The following COA7 variants were observed in gnomAD, a reference collection of about 807,000 sequenced individuals.
COA7 encodes cytochrome c oxidase assembly factor 7, also known as Sel1 repeat containing 1.
In COA7, 12 loss-of-function variants were observed where a neutral mutation model predicts 21.0. That is an observed-to-expected ratio of 0.57 (90% CI 0.37 to 0.92). The LOEUF (loss-of-function observed/expected upper bound fraction) is 0.92, where lower values mean the gene tolerates loss of function less well. COA7 is among the 40% of genes least tolerant of loss of function. The pLI is 0.01. For synonymous variants in COA7, 95 were observed against 107.4 expected (o/e 0.88, Z 0.72); for missense variants, 240 against 286.1 (o/e 0.84, Z 1.16).
chr1:52,688,722 T>C (rs948494605), intron 2 of COA7, among the ~76,000 whole-genome samples: 3 of 152,196 alleles, frequency 2.0e-5, no homozygotes, highest in Non-Finnish European at 4.4e-5. Context: ...TCAGGCAGCA[T>C]GAAAGGTAGC....
intron 1 of COA7, among the ~76,000 whole-genome samples, chr1:52,696,001 A>G (rs536616403): frequency 3.8e-4 from 58 of 152,230 alleles, no homozygotes; most frequent in Middle Eastern, 3.4e-3. Context: ...CCTGACTTCA[A>G]CCTTCCAAAA....
chr1:52,690,795 T>A (rs960044916), intron 2 of COA7, among the ~76,000 whole-genome samples: 1 of 151,306 alleles, frequency 6.6e-6, no homozygotes, highest in African/African-American at 2.4e-5. Flanking sequence ...CCACTGCACC[T>A]GGCCTAAAAT....
In COA7 at chr1:52,687,636, G is replaced by T; in HGVS notation, c.*84C>A. ...CCAAGTTTTTTTGCTCCAGCAGGTT[G>T]ACCTTCAAGGGCTGCATCAGTCTTC... On this transcript the variant is annotated 3_prime_UTR_variant, in exon 3 of 3. Transcript: ENST00000371538. 7.3e-7 allele frequency: 1 copy of T among 1,376,464 alleles called. No homozygotes were observed. Among genetic ancestry groups the T allele is most frequent in the South Asian group, 1.4e-5 (1 of 71,532 alleles). The allele number at this position is 1,376,464 out of a possible 1,614,324, so 85.3% of individuals were successfully genotyped here. A position where few individuals can be genotyped will look rare whatever the true frequency, so the allele number is the denominator to read the frequency against.
intron 1 of COA7, among the ~76,000 whole-genome samples, chr1:52,697,038 G>A (rs1402032448): frequency 2.0e-5 from 3 of 152,016 alleles, no homozygotes; most frequent in South Asian, 4.1e-4. Flanking sequence ...TAACCCAGGA[G>A]GCAAAGGTTG....
Position 52,688,005 on chromosome 1 carries a change from G to C in COA7, c.411C>G (p.Tyr137Ter). ...AGCCACCATCACAGGCCCTTGTGTAGTAGTCCCTGGCCTTTCCCAAGTCAG... is the reference window on the plus strand; with the variant it reads ...AGCCACCATCACAGGCCCTTGTGTACTAGTCCCTGGCCTTTCCCAAGTCAG... ...GQPDLGKARD[Y>*]YTRACDGGYT... is the part of the protein sequence containing the mutation. The change falls in exon 3 of 3, where the codon TAC (tyrosine) becomes TAG (stop). Residue 137 changes from tyrosine to a stop codon, truncating the protein, a stop_gained. Transcript: ENST00000371538. LOFTEE classifies it high-confidence loss of function. The C allele has an allele frequency of 8.1e-6, 13 of 1,614,182 alleles. No individual in the cohort carries two copies. Among genetic ancestry groups the C allele is most frequent in the Non-Finnish European group, 1.1e-5 (13 of 1,180,038 alleles).
intron 1 of COA7, among the ~76,000 whole-genome samples, chr1:52,697,151 C>A (rs1006148665): frequency 6.6e-6 from 1 of 151,832 alleles, no homozygotes; most frequent in Admixed American, 6.6e-5. Flanking sequence ...TGCAGTGGTT[C>A]ATGCCTGTAA....
rs1221109922 is a variant in COA7 at position 52,692,809 on chromosome 1, G to A, written c.165C>T (p.Ala55=). The change falls in exon 2 of 3, where the codon GCC becomes GCT. Residue 55 remains alanine (A), a synonymous_variant. Transcript: ENST00000371538. ...CTTCACAGTTAAACTTCAACACCTT[G>A]GCAGCCTCATCAAAATTCTTCCGGA... is the stretch of plus-strand genomic sequence containing the variant. The part of the protein sequence containing the change: ...EGIRKNFDEA[A]KVLKFNCEEN... 1 of 1,614,092 alleles carries A rather than the reference G, an allele frequency of 6.2e-7. No homozygotes were observed. Among genetic ancestry groups the A allele is most frequent in the Admixed American group, 1.7e-5 (1 of 60,004 alleles).
chr1:52,694,588 A>G (rs557229867), intron 1 of COA7, among the ~76,000 whole-genome samples: 1 of 152,290 alleles, frequency 6.6e-6, no homozygotes, highest in African/African-American at 2.4e-5. Context: ...GTAAAACAGG[A>G]TAACTGTTTG....
intron 1 of COA7, among the ~76,000 whole-genome samples, chr1:52,696,558 T>C (rs1171034825): frequency 1.3e-5 from 2 of 152,166 alleles, no homozygotes; most frequent in African/African-American, 4.8e-5. Flanking sequence ...TGTGTTATGG[T>C]CTATGTTACG....
intron 2 of COA7, among the ~76,000 whole-genome samples, chr1:52,692,400 C>T (rs148556326): frequency 6.6e-6 from 1 of 152,336 alleles, no homozygotes; most frequent in African/African-American, 2.4e-5. Flanking sequence ...ATGCTGATGC[C>T]TTTTCCTATG....
chr1:52,694,029 G>A (rs1157284758), intron 1 of COA7, among the ~76,000 whole-genome samples: 3 of 152,172 alleles, frequency 2.0e-5, no homozygotes, highest in Non-Finnish European at 4.4e-5. Flanking sequence ...GTGAAATACT[G>A]CATGTCCTCA....
At chr1:52,698,104 G>C in intron 1 of COA7, 117 bp downstream of exon 1, 1 of 764,316 alleles carries the variant, frequency 1.3e-6, no homozygotes. Context: ...GCGATCCACA[G>C]ACCCCGTCCC....
At chr1:52,691,474 T>G (rs913629817) in intron 2 of COA7, among the ~76,000 whole-genome samples, 1 of 149,704 alleles carries the variant, frequency 6.7e-6, no homozygotes, top group African/African-American at 2.4e-5. Flanking sequence ...GTGTGTGTTT[T>G]TTTTTTTTTT....
chr1:52,689,535 C>T (rs971553278), intron 2 of COA7, among the ~76,000 whole-genome samples: 6 of 151,994 alleles, frequency 3.9e-5, no homozygotes, highest in Non-Finnish European at 5.9e-5. Context: ...GACAACTCTT[C>T]TTCCAATGTG....
In COA7 at chr1:52,689,541, A is replaced by G. The variant is rs371509115; in HGVS notation, c.248-1373T>C. 2.0e-3 allele frequency among the ~76,000 whole-genome samples: 308 copies of G among 152,046 alleles called. 3 individuals carry two copies. Among genetic ancestry groups the G allele is most frequent in the African/African-American group, 6.8e-3 (284 of 41,474 alleles). ...ATGGCCCAAGACAACTCTTCTTCCA[A>G]TGTGGTCCAGGAAAGCAAAAAGATT... On this transcript the variant is annotated intron_variant, in intron 2 of 2. Coordinates refer to ENST00000371538, the MANE Select transcript of COA7 (RefSeq NM_023077.3).
Position 52,698,309 on chromosome 1 carries a change from G to A in COA7, c.18C>T (p.Asp6=), listed in dbSNP as rs1274175242. MAGMV[D]FQDEEQVKSF... ...ACTTGACCTGCTCCTCATCCTGGAA[G>A]TCCACCATGCCGGCCATGGTTCGCG... The change falls in exon 1 of 3, where the codon GAC becomes GAT. Residue 6 remains aspartate (D), a synonymous_variant. Transcript: ENST00000371538. 6.2e-7 allele frequency: 1 copy of A among 1,611,682 alleles called. No individual in the cohort carries two copies. The highest frequency in any genetic ancestry group is 2.2e-5 in the East Asian group (1 of 44,796).
chr1:52,692,479 CTG>C (rs774671179), intron 2 of COA7, among the ~76,000 whole-genome samples: 3 of 152,196 alleles, frequency 2.0e-5, no homozygotes, highest in Non-Finnish European at 4.4e-5. Context: ...GGTGATGTAA[CTG>C]AGGCACAGAG....
rs964624584 is a variant in COA7, at chr1:52,689,628, G to A, written c.248-1460C>T. Among the ~76,000 whole-genome samples, 8 of 151,884 alleles carry A rather than the reference G, an allele frequency of 5.3e-5. No individual in the cohort carries two copies. In the East Asian group the frequency reaches 9.8e-4, roughly 19 times the overall value. On this transcript the variant is annotated intron_variant, in intron 2 of 2. Coordinates refer to ENST00000371538, the MANE Select transcript of COA7 (RefSeq NM_023077.3). ...CAGGAGGCCAGGCGTGGTGACTCAC[G>A]CCTGTAATCCCAGCACTTTGGGAGG... is the stretch of plus-strand genomic sequence containing the variant.
Position 52,685,005 on chromosome 1 carries a change from T to C in COA7, c.*2715A>G, listed in dbSNP as rs1409792452. On this transcript the variant is annotated 3_prime_UTR_variant, in exon 3 of 3. Coordinates refer to ENST00000371538, the MANE Select transcript of COA7 (RefSeq NM_023077.3). Reference sequence around the variant, plus strand: ...TGAATAATGACTACATGCACCACAATTTATTTACCCATTTACCTACTGAAA... The same window carrying C: ...TGAATAATGACTACATGCACCACAACTTATTTACCCATTTACCTACTGAAA... 2.6e-5 allele frequency: 4 copies of C among 152,342 alleles called. No individual in the cohort carries two copies. The East Asian group carries it at 7.7e-4, about 29-fold the overall frequency. 9.4% of individuals were successfully genotyped at this position (152,342 alleles called of 1,614,324 possible).
Sources: allele counts gnomAD v4.1 joint callset (sites outside exome capture counted in the v4.1 genomes callset), GRCh38; gene constraint gnomAD v4.1.1; transcripts MANE v1.5; gene names NCBI Gene and HGNC (gene_info 2026-07-23, HGNC 2026-07-21).